The following CYREN variants were observed in gnomAD, a reference collection of about 807,000 sequenced individuals.
CYREN encodes cell cycle regulator of NHEJ.
Under a neutral mutation model 9.7 loss-of-function variants are expected in CYREN, and 7 were observed. The observed-to-expected ratio is 0.72, with a 90% CI of 0.41 to 1.36. The LOEUF is 1.36. CYREN is among the 40% of genes most tolerant of loss of function. The pLI, the probability that CYREN is intolerant of heterozygous loss-of-function variation, is 0.01. For missense variants in CYREN, 215 were observed against 198.1 expected, an observed-to-expected ratio of 1.09 and a Z score of -0.51; for synonymous variants, 76 against 77.9, an observed-to-expected ratio of 0.98 and a Z score of 0.13.
intron 3 of CYREN, 128 bp downstream of exon 3, chr7:135,167,604 G>C (rs909622254): frequency 2.7e-6 from 4 of 1,493,884 alleles, no homozygotes; most frequent in Non-Finnish European, 3.6e-6. Flanking sequence ...ATAAGAGCAA[G>C]GGAAGTGGCA....
chr7:135,094,809 A>G (rs1247075552), intron 2 of CYREN, among the ~76,000 whole-genome samples: 1 of 152,224 alleles, frequency 6.6e-6, no homozygotes, highest in African/African-American at 2.4e-5. Flanking sequence ...TTCAGATTAC[A>G]TAAGTTGTTT....
chr7:135,107,385 C>T (rs1824895207), intron 2 of CYREN, among the ~76,000 whole-genome samples: 1 of 152,128 alleles, frequency 6.6e-6, no homozygotes, highest in South Asian at 2.1e-4. Flanking sequence ...ACTGCCTTAG[C>T]TATGTCCCAG....
intron 2 of CYREN, chr7:135,129,247 G>T: frequency 6.6e-7 from 1 of 1,515,660 alleles, no homozygotes; most frequent in South Asian, 1.1e-5. Flanking sequence ...TACATCATGG[G>T]TATCTGCTCC....
intron 2 of CYREN, among the ~76,000 whole-genome samples, chr7:135,148,803 G>A (rs1240975318): frequency 3.3e-5 from 5 of 152,164 alleles, no homozygotes; most frequent in Admixed American, 3.3e-4. Flanking sequence ...TAGATCTTAT[G>A]TTAGTCATTA....
At chr7:135,143,904 T>A (rs1203604080) in intron 2 of CYREN, among the ~76,000 whole-genome samples, 2 of 152,150 alleles carry the variant, frequency 1.3e-5, no homozygotes, top group Non-Finnish European at 2.9e-5. Context: ...GCCCACTCCT[T>A]CCCTTCCCCC....
At chr7:135,156,662 T>C (rs1829801602) in intron 2 of CYREN, among the ~76,000 whole-genome samples, 2 of 152,212 alleles carry the variant, frequency 1.3e-5, no homozygotes, top group Admixed American at 1.3e-4. Context: ...TTGCACTTCA[T>C]TGAGCTTCTT....
intron 2 of CYREN, among the ~76,000 whole-genome samples, chr7:135,113,554 A>T (rs1825923485): frequency 6.6e-6 from 1 of 152,238 alleles, no homozygotes; most frequent in Admixed American, 6.5e-5. Flanking sequence ...GACCAATTTA[A>T]GCATGACAAT....
chr7:135,134,553 G>A (rs1282098189), intron 2 of CYREN, among the ~76,000 whole-genome samples: 1 of 151,952 alleles, frequency 6.6e-6, no homozygotes, highest in Admixed American at 6.6e-5. Flanking sequence ...TAGATATATA[G>A]GTAAGGAGCT....
rs1562905696 is a variant in CYREN, at chr7:135,129,068, A to T, written n.357-34486T>A. The stretch of plus-strand genomic sequence containing the variant: ...AGGTTCAATGCCTCAACTGCCCAGA[A>T]CCAAAGTGCCCTTCAGTGGCCACTA... On this transcript the variant is annotated intron_variant and non_coding_transcript_variant, in intron 2 of 2. Coordinates refer to the CYREN transcript ENST00000459937. 9 of 1,608,488 alleles carry T rather than the reference A, an allele frequency of 5.6e-6. 1 individual carries two copies. Among genetic ancestry groups the T allele is most frequent in the Non-Finnish European group, 6.8e-6 (8 of 1,174,890 alleles).
At chr7:135,130,128 T>C (rs1383533614) in intron 2 of CYREN, among the ~76,000 whole-genome samples, 1 of 152,152 alleles carries the variant, frequency 6.6e-6, no homozygotes, top group Non-Finnish European at 1.5e-5. Flanking sequence ...AGAAGCCTTA[T>C]GAAAATTATA....
At chr7:135,093,448 A>G (rs1822170103) in exon 3 of CYREN, 1 of 152,182 alleles carries the variant, frequency 6.6e-6, no homozygotes, top group African/African-American at 2.4e-5. Flanking sequence ...AATCAATTGT[A>G]TCTCTATACA....
chr7:135,127,408 CG>C (rs1562903475), intron 2 of CYREN, among the ~76,000 whole-genome samples: 1 of 151,878 alleles, frequency 6.6e-6, no homozygotes, highest in Non-Finnish European at 1.5e-5. Flanking sequence ...AAAAATTAGC[CG>C]GGGTGTGGTG....
chr7:135,124,713 G>A (rs1347640929), intron 2 of CYREN, among the ~76,000 whole-genome samples: 1 of 152,152 alleles, frequency 6.6e-6, no homozygotes, highest in African/African-American at 2.4e-5. Flanking sequence ...AGACCACAGT[G>A]CAATCAAATT....
chr7:135,119,422 G>T (rs181755654), intron 2 of CYREN, among the ~76,000 whole-genome samples: 343 of 151,874 alleles, frequency 2.3e-3, no homozygotes, highest in Non-Finnish European at 4.2e-3. Context: ...GTAGAGACGA[G>T]GTTTTGCTGT....
rs1307352492 is a variant in CYREN, at chr7:135,170,696, C to G, written c.-183G>C. On this transcript the variant is annotated 5_prime_UTR_variant, in exon 1 of 4. Coordinates refer to ENST00000393114, the MANE Select transcript of CYREN (RefSeq NM_024033.4). Reference sequence around the variant, plus strand: ...CGTCTCGCCTGGCGCCCAAACTCTGCGGACCTCCACTGGCCGCCCGCCTCT... The same window carrying G: ...CGTCTCGCCTGGCGCCCAAACTCTGGGGACCTCCACTGGCCGCCCGCCTCT... 1 of 152,412 alleles carries G rather than the reference C, an allele frequency of 6.6e-6. No homozygotes were observed. The highest frequency in any genetic ancestry group is 1.5e-5 in the Non-Finnish European group (1 of 68,220). 9.4% of individuals were successfully genotyped at this position (152,412 alleles called of 1,614,324 possible). A position where few individuals can be genotyped will look rare whatever the true frequency, so the allele number is the denominator to read the frequency against.
At chr7:135,138,484 T>C (rs567942352) in intron 2 of CYREN, among the ~76,000 whole-genome samples, 12 of 152,106 alleles carry the variant, frequency 7.9e-5, no homozygotes, top group Non-Finnish European at 1.0e-4. Context: ...TGAGAAAGGA[T>C]TGGATTCATT....
intron 2 of CYREN, among the ~76,000 whole-genome samples, chr7:135,101,541 C>G (rs2117031861): frequency 6.6e-6 from 1 of 152,102 alleles, no homozygotes. Context: ...CTTCCTGTTA[C>G]TTGATGCCTT....
chr7:135,157,824 G>A (rs1238555105), intron 2 of CYREN, among the ~76,000 whole-genome samples: 1 of 152,212 alleles, frequency 6.6e-6, no homozygotes, highest in Non-Finnish European at 1.5e-5. Flanking sequence ...CTACCAGGGT[G>A]GCAGCTGCAG....
chr7:135,124,863 A>G (rs967885190), intron 2 of CYREN, among the ~76,000 whole-genome samples: 1 of 152,208 alleles, frequency 6.6e-6, no homozygotes, highest in African/African-American at 2.4e-5. Flanking sequence ...GAACAAAGAG[A>G]CAATGTACCA....
Sources: gnomAD v4.1 joint callset for allele counts (sites outside exome capture counted in the v4.1 genomes callset) on GRCh38, gnomAD v4.1.1 for gene constraint, MANE v1.5 for transcripts, NCBI Gene and HGNC (gene_info 2026-07-23, HGNC 2026-07-21) for gene names.